Variants in BCKDHB observed in about 807,000 individuals in gnomAD.
The protein encoded by BCKDHB is 2-oxoisovalerate dehydrogenase subunit beta, mitochondrial.
Under a neutral mutation model 48.5 loss-of-function variants are expected in BCKDHB, and 41 were observed. The observed-to-expected ratio is 0.85, with a 90% CI of 0.66 to 1.10. BCKDHB has a LOEUF of 1.10. Ranked by LOEUF, BCKDHB falls within the 50% of genes least tolerant of loss-of-function variation. The pLI is 0.00. For synonymous variants in BCKDHB, 201 were observed against 174.8 expected (o/e 1.15, Z -1.18); for missense variants, 496 against 494.2 (o/e 1.00, Z -0.03).
downstream of BCKDHB, among the ~76,000 whole-genome samples, chr6:80,348,931 T>G (rs867954655): frequency 7.9e-5 from 12 of 152,102 alleles, no homozygotes; most frequent in South Asian, 2.5e-3. Context: ...CCAGAAAAGT[T>G]GGAAATAAAA....
chr6:80,444,876 A>T, the BCKDHB span, among the ~76,000 whole-genome samples: 1 of 152,196 alleles, frequency 6.6e-6, no homozygotes, highest in African/African-American at 2.4e-5. Context: ...GCATATTCTT[A>T]TGTTGCAATA....
the BCKDHB span, among the ~76,000 whole-genome samples, chr6:80,423,943 A>T: frequency 3.3e-5 from 5 of 152,178 alleles, no homozygotes; most frequent in Non-Finnish European, 7.4e-5. Flanking sequence ...GCATCTTTAA[A>T]TGGTAGGGAG....
chr6:80,106,822 G>A lies in BCKDHB; in HGVS notation c.129G>A (p.Glu43=), dbSNP rs369761417. ...TTTTGCACCCCGCCGCGACTGTCGAGGATGCGGCCCAGAGGCGGCAGGTGG... is the reference window on the plus strand; with the variant it reads ...TTTTGCACCCCGCCGCGACTGTCGAAGATGCGGCCCAGAGGCGGCAGGTGG... ...RGFLHPAATV[E]DAAQRRQVAH... The change falls in exon 1 of 10, where the codon GAG becomes GAA. Residue 43 remains glutamate, a synonymous_variant. Transcript: ENST00000320393. 9.9e-6 allele frequency: 16 copies of A among 1,609,824 alleles called. No individual in the cohort carries two copies. Among genetic ancestry groups the A allele is most frequent in the Admixed American group, 1.7e-5 (1 of 59,746 alleles).
At chr6:80,426,132 G>C in the BCKDHB span, among the ~76,000 whole-genome samples, 1 of 152,086 alleles carries the variant, frequency 6.6e-6, no homozygotes, top group African/African-American at 2.4e-5. Flanking sequence ...TCTGTGAACA[G>C]GAAGAAAAAT....
At chr6:80,164,393 T>A (rs1385576294) in intron 3 of BCKDHB, among the ~76,000 whole-genome samples, 1 of 152,236 alleles carries the variant, frequency 6.6e-6, no homozygotes, top group East Asian at 1.9e-4. Flanking sequence ...CATCCTCATT[T>A]ATTTAAACCC....
intron 8 of BCKDHB, among the ~76,000 whole-genome samples, chr6:80,214,473 G>A (rs1462899426): frequency 6.6e-6 from 1 of 152,154 alleles, no homozygotes; most frequent in African/African-American, 2.4e-5. Context: ...TTCCGTGACT[G>A]AATACTAGCT....
intron 9 of BCKDHB, among the ~76,000 whole-genome samples, chr6:80,331,556 C>T (rs1334436084): frequency 6.6e-6 from 1 of 152,178 alleles, no homozygotes; most frequent in East Asian, 1.9e-4. Flanking sequence ...GTAGAGGGAA[C>T]TTTCATGGCC....
intron 6 of BCKDHB, among the ~76,000 whole-genome samples, chr6:80,182,336 T>C (rs1275851629): frequency 6.6e-6 from 1 of 152,200 alleles, no homozygotes; most frequent in Non-Finnish European, 1.5e-5. Context: ...ATTCATGGAA[T>C]AGGACCCAGT....
intron 8 of BCKDHB, among the ~76,000 whole-genome samples, chr6:80,232,149 C>G (rs1216163380): frequency 6.6e-6 from 1 of 152,194 alleles, no homozygotes. Context: ...TTTCCTACAG[C>G]ATCCCTGGAT....
chr6:80,338,059 C>T (rs1241399564), intron 9 of BCKDHB, among the ~76,000 whole-genome samples: 1 of 152,168 alleles, frequency 6.6e-6, no homozygotes, highest in African/African-American at 2.4e-5. Context: ...AGTTTTCCAA[C>T]TCAAGATGGT....
At chr6:80,346,907 T>C (rs1321749941), downstream of BCKDHB, among the ~76,000 whole-genome samples, 1 of 149,320 alleles carries the variant, frequency 6.7e-6, no homozygotes, top group Non-Finnish European at 1.5e-5. Context: ...AGATTTCCTC[T>C]CATGGGTTCT....
At chr6:80,458,377 A>G in the BCKDHB span, among the ~76,000 whole-genome samples, 9 of 152,224 alleles carry the variant, frequency 5.9e-5, no homozygotes. Context: ...TGGGCATTTT[A>G]TGTGAATTTG....
intron 5 of BCKDHB, among the ~76,000 whole-genome samples, chr6:80,170,650 T>C (rs952756713): frequency 6.6e-6 from 1 of 152,188 alleles, no homozygotes; most frequent in East Asian, 1.9e-4. Context: ...GTGTACTTCC[T>C]ACTGTCATTA....
chr6:80,418,920 G>C, the BCKDHB span, among the ~76,000 whole-genome samples: 1 of 152,228 alleles, frequency 6.6e-6, no homozygotes, highest in African/African-American at 2.4e-5. Context: ...TGGAGGCGAT[G>C]TTGGCTCCAG....
chr6:80,424,752 T>C, the BCKDHB span, among the ~76,000 whole-genome samples: 37 of 152,324 alleles, frequency 2.4e-4, 1 homozygote, highest in Admixed American at 1.7e-3. Context: ...AAATTGTGTA[T>C]TGGACTACAG....
intron 9 of BCKDHB, chr6:80,307,944 A>AT: frequency 1.0e-6 from 1 of 965,518 alleles, no homozygotes; most frequent in Non-Finnish European, 1.2e-6. Context: ...ATTTTATTCA[A>AT]TTTAATCTAG....
the BCKDHB span, among the ~76,000 whole-genome samples, chr6:80,408,825 C>G: frequency 4.7e-5 from 7 of 148,850 alleles, no homozygotes; most frequent in Admixed American, 6.7e-5. Flanking sequence ...CCAAACAGCT[C>G]CTGGATTCAT....
the BCKDHB span, among the ~76,000 whole-genome samples, chr6:80,402,790 A>T: frequency 6.6e-6 from 1 of 151,948 alleles, no homozygotes; most frequent in South Asian, 2.1e-4. Flanking sequence ...GTATGGTGTA[A>T]GATATGAATT....
At chr6:80,411,944 T>C in the BCKDHB span, among the ~76,000 whole-genome samples, 1 of 152,194 alleles carries the variant, frequency 6.6e-6, no homozygotes, top group Admixed American at 6.5e-5. Context: ...CTGCTTTGGC[T>C]CAGCCTCTGT....
Sources: allele counts gnomAD v4.1 joint callset (sites outside exome capture counted in the v4.1 genomes callset), GRCh38; gene constraint gnomAD v4.1.1; transcripts MANE v1.5; gene names NCBI Gene and HGNC (gene_info 2026-07-23, HGNC 2026-07-21).